Variants in CAPZA1 observed in about 807,000 individuals in gnomAD.
The protein encoded by CAPZA1 is capping actin protein of muscle Z-line subunit alpha 1, also known as F-actin-capping protein subunit alpha-1.
Under a neutral mutation model 40.8 loss-of-function variants are expected in CAPZA1, and 10 were observed. The observed-to-expected ratio is 0.25, with a 90% CI of 0.15 to 0.42. CAPZA1 has a LOEUF of 0.42. CAPZA1 is among the 10% of genes least tolerant of loss of function. The pLI is 1.00. For synonymous variants in CAPZA1, 98 were observed against 115.0 expected (o/e 0.85, Z 0.95); for missense variants, 277 against 353.8 (o/e 0.78, Z 1.74).
chr1:112,668,876 G>C (rs1489464502), intron 8 of CAPZA1, among the ~76,000 whole-genome samples: 1 of 152,188 alleles, frequency 6.6e-6, no homozygotes, highest in Non-Finnish European at 1.5e-5. Flanking sequence ...GAGTGAAAGT[G>C]AAACAGGCAA....
At chr1:112,640,343 C>T (rs1372235577) in intron 1 of CAPZA1, among the ~76,000 whole-genome samples, 1 of 108,692 alleles carries the variant, frequency 9.2e-6, no homozygotes, top group Non-Finnish European at 1.9e-5. Context: ...CCCGGCCAGC[C>T]GCCCCGTCCG....
chr1:112,669,587 T>C lies in CAPZA1; in HGVS notation c.702T>C (p.Asn234=), dbSNP rs772119948. ...AGGAGTTTATTAAAATCATAGAGAA[T>C]GCAGAAAATGAGTATCAGGTAAGAA... is the stretch of plus-strand genomic sequence containing the variant. The part of the protein sequence containing the change: ...TAKEFIKIIE[N]AENEYQTAIS... Residue 234 remains asparagine (N), a synonymous_variant, in exon 9 of 10, where the codon AAT becomes AAC. Coordinates refer to ENST00000263168, the MANE Select transcript of CAPZA1 (RefSeq NM_006135.3). 6.2e-7 allele frequency: 1 copy of C among 1,606,680 alleles called. No homozygotes were observed. Among genetic ancestry groups the C allele is most frequent in the Non-Finnish European group, 8.5e-7 (1 of 1,173,836 alleles).
At chr1:112,658,925 T>C in intron 5 of CAPZA1, 97 bp from the exon 6 acceptor site, 1 of 862,546 alleles carries the variant, frequency 1.2e-6, no homozygotes, top group Non-Finnish European at 1.9e-6. Flanking sequence ...TGATTCTTTG[T>C]CTCCCCCAAG....
At chr1:112,619,904 T>A in intron 1 of CAPZA1, 21 bp downstream of exon 1, 5 of 1,592,876 alleles carry the variant, frequency 3.1e-6, no homozygotes, top group Non-Finnish European at 4.3e-6. Flanking sequence ...CGCCTCTCTC[T>A]CTTACCTCCT....
At chr1:112,639,739 C>CT (rs933895973) in intron 1 of CAPZA1, among the ~76,000 whole-genome samples, 2 of 151,866 alleles carry the variant, frequency 1.3e-5, no homozygotes, top group South Asian at 4.1e-4. Flanking sequence ...TGACATGCTC[C>CT]TTTTTTTATT....
intron 2 of CAPZA1, among the ~76,000 whole-genome samples, chr1:112,647,528 A>G (rs909211982): frequency 7.9e-5 from 12 of 152,248 alleles, no homozygotes; most frequent in Admixed American, 4.6e-4. Context: ...TTTAATGCAG[A>G]TTAGTATCAA....
intron 5 of CAPZA1, among the ~76,000 whole-genome samples, chr1:112,656,303 T>C (rs896060904): frequency 6.6e-6 from 1 of 152,160 alleles, no homozygotes; most frequent in African/African-American, 2.4e-5. Context: ...TGGAAATAAT[T>C]GTTTTTATCT....
intron 1 of CAPZA1, among the ~76,000 whole-genome samples, chr1:112,635,884 C>T (rs1671006545): frequency 6.6e-6 from 1 of 152,090 alleles, no homozygotes; most frequent in East Asian, 1.9e-4. Context: ...CAAAAATTAG[C>T]CAGGCGTGGT....
At chr1:112,632,331 G>T (rs898307994) in intron 1 of CAPZA1, among the ~76,000 whole-genome samples, 8 of 152,094 alleles carry the variant, frequency 5.3e-5, no homozygotes, top group African/African-American at 1.7e-4. Context: ...CAATAGGGGA[G>T]AAAAATCAGG....
chr1:112,661,520 CT>C (rs1671606693), intron 7 of CAPZA1, among the ~76,000 whole-genome samples: 1 of 152,176 alleles, frequency 6.6e-6, no homozygotes, highest in Non-Finnish European at 1.5e-5. Flanking sequence ...TAATCTTTGT[CT>C]TGGGGTCTCC....
At chr1:112,660,883 A>C (rs1487729023) in intron 7 of CAPZA1, among the ~76,000 whole-genome samples, 2 of 108,562 alleles carry the variant, frequency 1.8e-5, no homozygotes, top group African/African-American at 3.9e-5. Context: ...GAGAAGGAGG[A>C]GTCTCGCTCT....
chr1:112,631,983 G>A (rs1210263108), intron 1 of CAPZA1, among the ~76,000 whole-genome samples: 1 of 152,114 alleles, frequency 6.6e-6, no homozygotes, highest in Non-Finnish European at 1.5e-5. Context: ...TTATTCTAAT[G>A]CATGTTAAAA....
At chr1:112,644,035 G>A (rs1671232547) in intron 1 of CAPZA1, among the ~76,000 whole-genome samples, 1 of 151,694 alleles carries the variant, frequency 6.6e-6, no homozygotes, top group African/African-American at 2.4e-5. Context: ...AGTAGAGACA[G>A]GGTTTCACCA....
intron 1 of CAPZA1, among the ~76,000 whole-genome samples, chr1:112,633,794 G>A (rs1670966850): frequency 6.6e-6 from 1 of 152,192 alleles, no homozygotes; most frequent in African/African-American, 2.4e-5. Flanking sequence ...TGACAGGCAT[G>A]AGGTGATATC....
At chr1:112,638,014 T>A (rs1405316848) in intron 1 of CAPZA1, among the ~76,000 whole-genome samples, 1 of 152,136 alleles carries the variant, frequency 6.6e-6, no homozygotes, top group Non-Finnish European at 1.5e-5. Context: ...ACAGTAAACA[T>A]GTAAGTATAT....
intron 7 of CAPZA1, 116 bp downstream of exon 7, chr1:112,659,895 G>A: frequency 2.8e-6 from 2 of 727,148 alleles, no homozygotes; most frequent in South Asian, 1.7e-5. Flanking sequence ...ACTGATGGCA[G>A]TGAATAGAAA....
intron 7 of CAPZA1, among the ~76,000 whole-genome samples, chr1:112,664,269 T>C (rs1671679867): frequency 6.6e-6 from 1 of 151,708 alleles, no homozygotes; most frequent in Admixed American, 6.6e-5. Flanking sequence ...TTTTGTCCTT[T>C]AAACAAGGAT....
chr1:112,626,357 G>A (rs1670806567), intron 1 of CAPZA1: 1 of 151,786 alleles, frequency 6.6e-6, no homozygotes, highest in South Asian at 2.1e-4. Context: ...ACTTTGGGAG[G>A]CTAAGCCGGG....
chr1:112,638,160 CAG>C (rs1233466775), intron 1 of CAPZA1, among the ~76,000 whole-genome samples: 1 of 152,050 alleles, frequency 6.6e-6, no homozygotes, highest in Admixed American at 6.6e-5. Flanking sequence ...AACATTTGAA[CAG>C]AGACTAAATA....
Sources: gnomAD v4.1 joint callset for allele counts (sites outside exome capture counted in the v4.1 genomes callset) on GRCh38, gnomAD v4.1.1 for gene constraint, MANE v1.5 for transcripts, NCBI Gene and HGNC (gene_info 2026-07-23, HGNC 2026-07-21) for gene names.